LPAR1: variants seen among roughly 807,000 people sequenced by gnomAD.
The protein encoded by LPAR1 is lysophosphatidic acid receptor 1.
Under a neutral mutation model 23.8 loss-of-function variants are expected in LPAR1, and 5 were observed. The observed-to-expected ratio is 0.21, with a 90% CI of 0.11 to 0.44. LPAR1 has a LOEUF of 0.44. Among genes scored for constraint, LPAR1 ranks in the 20% least tolerant of loss-of-function variants. The probability of loss-of-function intolerance (pLI) is 0.99; values close to 1 mark genes in which losing one functional copy is unlikely to be tolerated. For synonymous variants in LPAR1, 160 were observed against 164.7 expected (o/e 0.97, Z 0.22); for missense variants, 311 against 482.8 (o/e 0.64, Z 3.33).
At chr9:111,025,077 G>T (rs1002132388) in intron 2 of LPAR1, among the ~76,000 whole-genome samples, 4 of 152,278 alleles carry the variant, frequency 2.6e-5, no homozygotes, top group African/African-American at 9.6e-5. Context: ...TAATGGGATG[G>T]CTGGGTCAAA....
At chr9:110,955,717 G>GAA (rs368923001) in intron 4 of LPAR1, among the ~76,000 whole-genome samples, 16,615 of 138,580 alleles carry the variant, frequency 0.12, 1,226 homozygotes, top group Admixed American at 0.21. Context: ...GACCACAATA[G>GAA]AAAAAAAAAA....
At chr9:110,952,286 G>A (rs1203013252) in intron 4 of LPAR1, among the ~76,000 whole-genome samples, 1 of 152,112 alleles carries the variant, frequency 6.6e-6, no homozygotes, top group African/African-American at 2.4e-5. Flanking sequence ...CCTAGCCACA[G>A]GAGAGCCCCT....
At chr9:110,919,647 C>T (rs1306184000) in intron 5 of LPAR1, among the ~76,000 whole-genome samples, 2 of 152,216 alleles carry the variant, frequency 1.3e-5, no homozygotes, top group Admixed American at 6.5e-5. Context: ...TAACTTCTCA[C>T]ATCACTTAGC....
intron 5 of LPAR1, among the ~76,000 whole-genome samples, chr9:110,885,625 C>CA (rs1443161605): frequency 6.6e-6 from 1 of 151,992 alleles, no homozygotes; most frequent in Non-Finnish European, 1.5e-5. Flanking sequence ...TATAAGCATA[C>CA]AAAAAAGGAA....
In LPAR1 at chr9:110,947,047, T is replaced by C. The variant is rs1359867462; in HGVS notation, c.46-4879A>G. ...TAAAGCAGAATGGCAACTTTTTGTA[T>C]TACTGGAGAAAAACAGAGTGCAAAA... On this transcript the variant is annotated intron_variant, in intron 4 of 5. Coordinates refer to ENST00000683809, the MANE Select transcript of LPAR1 (RefSeq NM_001351411.2). Among the ~76,000 whole-genome samples the C allele has an allele frequency of 2.6e-5, 4 of 152,132 alleles. No individual in the cohort carries two copies. In the East Asian group the frequency reaches 5.8e-4, roughly 22 times the overall value.
intron 5 of LPAR1, among the ~76,000 whole-genome samples, chr9:110,886,322 C>T (rs1253394885): frequency 1.4e-5 from 2 of 146,046 alleles, no homozygotes; most frequent in Non-Finnish European, 3.0e-5. Context: ...AAAGATTGCA[C>T]CATTGCACTC....
At chr9:111,023,543 T>C (rs1361251893) in intron 2 of LPAR1, among the ~76,000 whole-genome samples, 1 of 152,012 alleles carries the variant, frequency 6.6e-6, no homozygotes, top group African/African-American at 2.4e-5. Flanking sequence ...ATATGCTCCA[T>C]CCCACTAGAC....
intron 5 of LPAR1, among the ~76,000 whole-genome samples, chr9:110,939,817 G>A (rs561455777): frequency 3.9e-5 from 6 of 152,258 alleles, no homozygotes; most frequent in Non-Finnish European, 7.4e-5. Context: ...AGCACTTGTC[G>A]TAATAGAAAA....
intron 5 of LPAR1, among the ~76,000 whole-genome samples, chr9:110,920,426 T>C (rs564876168): frequency 6.6e-6 from 1 of 152,340 alleles, no homozygotes; most frequent in African/African-American, 2.4e-5. Context: ...GAGAGAGCAT[T>C]GGCAATTTTT....
At chr9:110,916,322 C>G (rs1340750337) in intron 5 of LPAR1, among the ~76,000 whole-genome samples, 1 of 152,134 alleles carries the variant, frequency 6.6e-6, no homozygotes, top group Non-Finnish European at 1.5e-5. Flanking sequence ...GGATCTTACT[C>G]TAAATCTGGA....
At chr9:111,036,947 T>C (rs892760851) in intron 1 of LPAR1, among the ~76,000 whole-genome samples, 6 of 152,224 alleles carry the variant, frequency 3.9e-5, no homozygotes, top group Non-Finnish European at 5.9e-5. Flanking sequence ...ATTTTAATGA[T>C]GTTTAGTTTG....
intron 4 of LPAR1, among the ~76,000 whole-genome samples, chr9:110,943,564 T>C (rs1275958148): frequency 1.3e-5 from 2 of 152,128 alleles, no homozygotes; most frequent in Non-Finnish European, 2.9e-5. Context: ...GTCTGCTTCT[T>C]AAAGAGATCA....
chr9:110,993,121 C>T (rs948023030), intron 2 of LPAR1, among the ~76,000 whole-genome samples: 21 of 152,082 alleles, frequency 1.4e-4, no homozygotes, highest in Admixed American at 6.6e-5. Flanking sequence ...CCACTAACCA[C>T]AAACTAATTT....
chr9:110,991,615 GTTGTTGTTT>G (rs1323463288), intron 2 of LPAR1, among the ~76,000 whole-genome samples: 10 of 150,442 alleles, frequency 6.6e-5, no homozygotes, highest in Admixed American at 4.0e-4. Context: ...TGTTGTTGTT[GTTGTTGTTT>G]TTTGGGACAG....
At chr9:110,911,130 C>T (rs369697324) in intron 5 of LPAR1, among the ~76,000 whole-genome samples, 8 of 152,284 alleles carry the variant, frequency 5.3e-5, no homozygotes, top group African/African-American at 1.7e-4. Flanking sequence ...AATCGATCAA[C>T]GTGGCAAACT....
In LPAR1 at chr9:110,875,732, C is replaced by T. The variant is rs370157821; in HGVS notation, c.794-10G>A. 1.4e-5 allele frequency: 22 copies of T among 1,531,490 alleles called. No individual in the cohort carries two copies. Among genetic ancestry groups the T allele is most frequent in the Admixed American group, 5.7e-5 (3 of 52,776 alleles). 94.9% of individuals were successfully genotyped at this position (1,531,490 alleles called of 1,614,324 possible). Reference sequence around the variant, plus strand: ...CAGATGATAAAGGCCCCTACAAGGACAAGGATAGGGATCAGAAGGATTTTT... The same window carrying T: ...CAGATGATAAAGGCCCCTACAAGGATAAGGATAGGGATCAGAAGGATTTTT... On this transcript the variant is annotated splice_polypyrimidine_tract_variant and intron_variant, in intron 5 of 5. Transcript: ENST00000683809.
At chr9:110,958,943 CA>C (rs2137146941) in intron 4 of LPAR1, among the ~76,000 whole-genome samples, 1 of 149,088 alleles carries the variant, frequency 6.7e-6, no homozygotes, top group East Asian at 2.0e-4. Flanking sequence ...TACAAATGCC[CA>C]GTAGGTATAT....
intron 2 of LPAR1, among the ~76,000 whole-genome samples, chr9:111,024,448 AT>A (rs1007715823): frequency 5.4e-5 from 8 of 147,136 alleles, no homozygotes; most frequent in South Asian, 2.1e-4. Context: ...ATTTTTATAT[AT>A]TTTTATATAT....
At chr9:110,972,900 T>C (rs1008451739) in intron 3 of LPAR1, among the ~76,000 whole-genome samples, 2 of 151,924 alleles carry the variant, frequency 1.3e-5, no homozygotes, top group African/African-American at 4.8e-5. Flanking sequence ...TGATCCAAGA[T>C]GGCACCACTG....
Sources: allele counts gnomAD v4.1 joint callset (sites outside exome capture counted in the v4.1 genomes callset), GRCh38; gene constraint gnomAD v4.1.1; transcripts MANE v1.5; gene names NCBI Gene and HGNC (gene_info 2026-07-23, HGNC 2026-07-21).